The following RAB3C variants were observed in gnomAD, a reference collection of about 807,000 sequenced individuals.
The protein encoded by RAB3C is RAB3C, member RAS oncogene family, also known as ras-related protein Rab-3C.
RAB3C carries 17 observed loss-of-function variants against 26.4 expected under a neutral mutation model. The ratio of observed to expected loss-of-function variants is 0.64; its 90% CI spans 0.44 to 0.97. RAB3C has a LOEUF of 0.97. RAB3C is among the 50% of genes least tolerant of loss of function. RAB3C has a pLI of 0.00. For missense variants in RAB3C, 242 were observed against 281.9 expected, an observed-to-expected ratio of 0.86 and a Z score of 1.01; for synonymous variants, 91 against 95.9, an observed-to-expected ratio of 0.95 and a Z score of 0.30.
chr5:58,704,695 T>C (rs1476013019), intron 2 of RAB3C, among the ~76,000 whole-genome samples: 1 of 152,178 alleles, frequency 6.6e-6, no homozygotes, highest in East Asian at 1.9e-4. Context: ...TTTTCCTTTA[T>C]CTGAATTATT....
At position 58,583,205 on chromosome 5, in the gene RAB3C, A is replaced by T. The variant is rs1272507942; in HGVS notation, c.-4A>T. On this transcript the variant is annotated 5_prime_UTR_variant, in exon 1 of 5. Coordinates refer to ENST00000282878, the MANE Select transcript of RAB3C (RefSeq NM_138453.4). The stretch of plus-strand genomic sequence containing the variant: ...TAGCCAGAGAGAAAGGACATTTGCC[A>T]ACAATGAGACACGAAGCGCCCATGC... The T allele has an allele frequency of 6.2e-7, 1 of 1,614,202 alleles. No homozygotes were observed. The highest frequency in any genetic ancestry group is 1.1e-5 in the South Asian group (1 of 91,086).
rs1744116218 is a variant in RAB3C at position 58,851,557 on chromosome 5, T to C, written c.*206T>C. The C allele has an allele frequency of 9.2e-6, 4 of 432,562 alleles. No homozygotes were observed. In the East Asian group the frequency reaches 1.4e-4, roughly 15 times the overall value. 26.8% of individuals were successfully genotyped at this position (432,562 alleles called of 1,614,324 possible). ...ATCTTAAATTTATAAGGACTATCCA[T>C]CTATAAACATCTGGTACCTGCATGT... On this transcript the variant is annotated 3_prime_UTR_variant, in exon 5 of 5. Transcript: ENST00000282878.
At chr5:58,768,145 G>A (rs913934164) in intron 3 of RAB3C, among the ~76,000 whole-genome samples, 2 of 152,142 alleles carry the variant, frequency 1.3e-5, no homozygotes, top group East Asian at 3.9e-4. Flanking sequence ...GCAGAGACCT[G>A]TCTTGAACAT....
At chr5:58,616,856 C>G (rs571324733) in intron 1 of RAB3C, among the ~76,000 whole-genome samples, 3 of 152,216 alleles carry the variant, frequency 2.0e-5, no homozygotes, top group East Asian at 3.9e-4. Flanking sequence ...CTTGCGCATG[C>G]CTCCCTAGTC....
At chr5:58,744,154 C>T (rs1238844286) in intron 3 of RAB3C, among the ~76,000 whole-genome samples, 1 of 152,202 alleles carries the variant, frequency 6.6e-6, no homozygotes, top group African/African-American at 2.4e-5. Flanking sequence ...ACAAGATCTG[C>T]AGTGGAACCA....
chr5:58,661,901 C>G (rs1322461979), intron 2 of RAB3C, among the ~76,000 whole-genome samples: 1 of 149,430 alleles, frequency 6.7e-6, no homozygotes, highest in Non-Finnish European at 1.5e-5. Context: ...CAAAAAGAAA[C>G]TAGAATATTA....
At chr5:58,625,056 A>G (rs2111736324) in intron 2 of RAB3C, among the ~76,000 whole-genome samples, 1 of 152,264 alleles carries the variant, frequency 6.6e-6, no homozygotes. Flanking sequence ...GTGTGTGAAT[A>G]CCTTGCCCAG....
chr5:58,709,716 G>A (rs1454674383), intron 2 of RAB3C, among the ~76,000 whole-genome samples: 2 of 152,082 alleles, frequency 1.3e-5, no homozygotes, highest in African/African-American at 2.4e-5. Context: ...TCTGACCCAC[G>A]CCTCTGATTT....
At chr5:58,622,489 C>A (rs1746959609) in intron 2 of RAB3C, among the ~76,000 whole-genome samples, 1 of 152,086 alleles carries the variant, frequency 6.6e-6, no homozygotes, top group Admixed American at 6.5e-5. Flanking sequence ...GCCTCAGGGG[C>A]AGTCTCTGTC....
chr5:58,822,942 A>G, intron 3 of RAB3C: 1 of 638,996 alleles, frequency 1.6e-6, no homozygotes, highest in South Asian at 1.4e-5. Context: ...TTCACCTGCT[A>G]TTTGGATGTA....
intron 2 of RAB3C, among the ~76,000 whole-genome samples, chr5:58,677,551 A>T (rs1402399590): frequency 2.0e-5 from 3 of 152,196 alleles, no homozygotes; most frequent in Non-Finnish European, 4.4e-5. Flanking sequence ...ATAGTGTTTT[A>T]TCCATTATAT....
chr5:58,710,674 C>T (rs923262478), intron 2 of RAB3C, among the ~76,000 whole-genome samples: 3 of 151,706 alleles, frequency 2.0e-5, no homozygotes, highest in South Asian at 2.1e-4. Context: ...GCTTTTCCAA[C>T]GTTGACACCC....
At chr5:58,847,998 A>C (rs1744040302) in intron 4 of RAB3C, among the ~76,000 whole-genome samples, 1 of 152,274 alleles carries the variant, frequency 6.6e-6, no homozygotes, top group East Asian at 1.9e-4. Context: ...CTGGGACTAC[A>C]GGCACATGCC....
chr5:58,724,788 G>T (rs535104902), intron 2 of RAB3C, among the ~76,000 whole-genome samples: 4 of 150,634 alleles, frequency 2.7e-5, no homozygotes, highest in African/African-American at 9.7e-5. Flanking sequence ...ACAAAGAAAA[G>T]AACAGAAACA....
At chr5:58,627,421 C>G (rs551387669) in intron 2 of RAB3C, among the ~76,000 whole-genome samples, 1 of 78,630 alleles carries the variant, frequency 1.3e-5, no homozygotes, top group East Asian at 3.1e-4. Flanking sequence ...GCCGAGATTG[C>G]GCCACTGCAG....
intron 3 of RAB3C, among the ~76,000 whole-genome samples, chr5:58,771,830 C>G (rs1018494282): frequency 2.7e-5 from 4 of 148,618 alleles, no homozygotes; most frequent in African/African-American, 7.4e-5. Context: ...TTTTTTCTTT[C>G]TTTTTTCTTT....
chr5:58,736,775 G>C (rs192481862), intron 3 of RAB3C, among the ~76,000 whole-genome samples: 3 of 152,256 alleles, frequency 2.0e-5, no homozygotes, highest in Admixed American at 2.0e-4. Flanking sequence ...CGGTCCTGGG[G>C]TTATAACGTC....
chr5:58,735,554 G>A (rs1335287299), intron 3 of RAB3C, among the ~76,000 whole-genome samples: 3 of 152,158 alleles, frequency 2.0e-5, no homozygotes, highest in Non-Finnish European at 2.9e-5. Context: ...TCACAGTTCT[G>A]AAGGCTAGAA....
At chr5:58,774,006 ACT>A (rs1330743661) in intron 3 of RAB3C, among the ~76,000 whole-genome samples, 2 of 151,800 alleles carry the variant, frequency 1.3e-5, no homozygotes, top group Non-Finnish European at 2.9e-5. Flanking sequence ...GCTGTTCCAA[ACT>A]CTACACTCTT....
Sources: gnomAD v4.1 joint callset for allele counts (sites outside exome capture counted in the v4.1 genomes callset) on GRCh38, gnomAD v4.1.1 for gene constraint, MANE v1.5 for transcripts, NCBI Gene and HGNC (gene_info 2026-07-23, HGNC 2026-07-21) for gene names.